The following SLIT3 variants were observed in gnomAD, a reference collection of about 807,000 sequenced individuals.
SLIT3 encodes the protein slit guidance ligand 3.
Under a neutral mutation model 184.0 loss-of-function variants are expected in SLIT3, and 68 were observed. The observed-to-expected ratio is 0.37, with a 90% CI of 0.30 to 0.45. The LOEUF is 0.45. SLIT3 is among the 20% of genes least tolerant of loss of function. The probability of loss-of-function intolerance (pLI) is 1.00; values close to 1 mark genes in which losing one functional copy is unlikely to be tolerated. For missense variants in SLIT3, 1,707 were observed against 2,026.0 expected, an observed-to-expected ratio of 0.84 and a Z score of 3.02; for synonymous variants, 831 against 828.6, an observed-to-expected ratio of 1.00 and a Z score of -0.05.
At position 169,249,769 on chromosome 5, in the gene SLIT3, C is replaced by T. The variant is rs114691027; in HGVS notation, c.269+1619G>A. ...CGATTCTGATCCACGCACACCTTGT[C>T]AGAACTACCAGTTACTTGACAGATA... is the stretch of plus-strand genomic sequence containing the variant. On this transcript the variant is annotated intron_variant, in intron 2 of 35. Coordinates refer to ENST00000519560, the MANE Select transcript of SLIT3 (RefSeq NM_003062.4). Among the ~76,000 whole-genome samples the T allele has an allele frequency of 5.7e-3, 874 of 152,374 alleles. 10 individuals are homozygous for T. The highest frequency in any genetic ancestry group is 0.02 in the African/African-American group (833 of 41,586).
chr5:169,032,022 T>G (rs1255813193), intron 4 of SLIT3, among the ~76,000 whole-genome samples: 1 of 152,190 alleles, frequency 6.6e-6, no homozygotes. Flanking sequence ...GTTCCAATCC[T>G]GCACCTCCAT....
intron 4 of SLIT3, among the ~76,000 whole-genome samples, chr5:168,971,428 C>T (rs1358396734): frequency 1.3e-5 from 2 of 152,194 alleles, no homozygotes; most frequent in African/African-American, 4.8e-5. Context: ...GGAATCATTT[C>T]CTTCATTTCG....
chr5:168,762,548 A>G lies in SLIT3; in HGVS notation c.1601T>C (p.Val534Ala). Residue 534 changes from valine (V) to alanine (A), a missense_variant, in exon 15 of 36, where the codon GTC (valine) becomes GCC (alanine). Val to Ala is a moderately conservative substitution (Grantham distance 64). Transcript: ENST00000519560. ...CCGAGGTTGGACTTACAGGTCGGTGACATATTCAGGGAGGTGGCTTGGGAT... is the reference window on the plus strand; with the variant it reads ...CCGAGGTTGGACTTACAGGTCGGTGGCATATTCAGGGAGGTGGCTTGGGAT... ...VRIPSHLPEY[V>A]TDLRLNDNEV... 1 of 1,613,510 alleles carries G rather than the reference A, an allele frequency of 6.2e-7. No homozygotes were observed. Among genetic ancestry groups the G allele is most frequent in the Non-Finnish European group, 8.5e-7 (1 of 1,179,498 alleles).
intron 2 of SLIT3, among the ~76,000 whole-genome samples, chr5:169,250,986 T>A (rs769167289): frequency 6.6e-5 from 10 of 152,182 alleles, no homozygotes; most frequent in Non-Finnish European, 1.3e-4. Context: ...CCTCCCCTCC[T>A]CTCCATTAAG....
intron 4 of SLIT3, among the ~76,000 whole-genome samples, chr5:168,989,296 C>A (rs62378613): frequency 0.039 from 6,003 of 152,236 alleles, 157 homozygotes; most frequent in Non-Finnish European, 0.057. Flanking sequence ...GTTTCCAAAA[C>A]AAACTTGACA....
Position 168,844,674 on chromosome 5 carries a change from G to T in SLIT3, c.486-19C>A. The T allele has an allele frequency of 1.2e-6, 2 of 1,613,592 alleles. No homozygotes were observed. Among genetic ancestry groups the T allele is most frequent in the Non-Finnish European group, 1.7e-6 (2 of 1,179,590 alleles). On this transcript the variant is annotated intron_variant, in intron 5 of 35. Coordinates refer to ENST00000519560, the MANE Select transcript of SLIT3 (RefSeq NM_003062.4). Reference sequence around the variant, plus strand: ...CAGTTGCCTGTGGAAAAGCAGGGGAGAGCATGAAGGCTGAGCGGGGGCAGC... The same window carrying T: ...CAGTTGCCTGTGGAAAAGCAGGGGATAGCATGAAGGCTGAGCGGGGGCAGC...
At chr5:168,750,785 T>C (rs548873619) in intron 18 of SLIT3, among the ~76,000 whole-genome samples, 1 of 152,122 alleles carries the variant, frequency 6.6e-6, no homozygotes, top group East Asian at 1.9e-4. Context: ...GCCGGGCATC[T>C]GCTTGTGCTC....
chr5:168,899,712 C>T (rs1760801307), intron 4 of SLIT3, among the ~76,000 whole-genome samples: 1 of 152,074 alleles, frequency 6.6e-6, no homozygotes, highest in South Asian at 2.1e-4. Flanking sequence ...TCTTTGGGGC[C>T]TTCATGCAAT....
In SLIT3 at chr5:169,300,873, G is replaced by C; in HGVS notation, c.-164C>G. 7.5e-6 allele frequency: 4 copies of C among 535,080 alleles called. No individual in the cohort carries two copies. The highest frequency in any genetic ancestry group is 1.1e-5 in the Non-Finnish European group (4 of 373,284). 33.1% of individuals were successfully genotyped at this position (535,080 alleles called of 1,614,324 possible). On this transcript the variant is annotated 5_prime_UTR_variant, in exon 1 of 36. Coordinates refer to ENST00000519560, the MANE Select transcript of SLIT3 (RefSeq NM_003062.4). The surrounding 1 kb of genome is among the most constrained non-coding windows in gnomAD (Gnocchi z 4.1). ...CAGGCGCACGGGGCGCGGGCGGAGC[G>C]GGGCGCTCCGGGCGGCGGCGGCGGC...
At chr5:169,232,176 G>A (rs145119877) in intron 3 of SLIT3, among the ~76,000 whole-genome samples, 31 of 152,190 alleles carry the variant, frequency 2.0e-4, no homozygotes, top group African/African-American at 5.3e-4. Flanking sequence ...TCTCTTTAGC[G>A]TCTTCTGTGC....
chr5:169,146,824 C>T (rs1761942592), intron 4 of SLIT3, among the ~76,000 whole-genome samples: 1 of 152,170 alleles, frequency 6.6e-6, no homozygotes, highest in African/African-American at 2.4e-5. Context: ...ATGCAGGGTA[C>T]CAACCCATTA....
At chr5:168,858,635 C>T (rs934968302) in intron 5 of SLIT3, among the ~76,000 whole-genome samples, 1 of 152,266 alleles carries the variant, frequency 6.6e-6, no homozygotes, top group Non-Finnish European at 1.5e-5. Context: ...GCTCCCTCAG[C>T]TGCTCCTGGC....
intron 1 of SLIT3, among the ~76,000 whole-genome samples, chr5:169,285,182 G>C (rs1767113432): frequency 6.6e-6 from 1 of 152,176 alleles, no homozygotes; most frequent in Middle Eastern, 3.2e-3. Flanking sequence ...CTCCCAAAGT[G>C]CTGGGATTAC....
At chr5:168,987,623 T>C (rs1425517727) in intron 4 of SLIT3, among the ~76,000 whole-genome samples, 1 of 152,230 alleles carries the variant, frequency 6.6e-6, no homozygotes, top group Non-Finnish European at 1.5e-5. Context: ...CTTGGTAACA[T>C]AATGATAGTC....
intron 1 of SLIT3, among the ~76,000 whole-genome samples, chr5:169,285,518 C>T (rs1280598543): frequency 6.6e-6 from 1 of 152,152 alleles, no homozygotes; most frequent in Non-Finnish European, 1.5e-5. Context: ...TGACCCCTAC[C>T]CTTGCATGTG....
intron 12 of SLIT3, among the ~76,000 whole-genome samples, chr5:168,784,671 T>C (rs914580663): frequency 1.3e-5 from 2 of 151,758 alleles, no homozygotes; most frequent in African/African-American, 4.8e-5. Flanking sequence ...TCTTGAAGAG[T>C]TCCTGGGCAT....
At chr5:169,257,057 A>G (rs1765983560) in intron 1 of SLIT3, among the ~76,000 whole-genome samples, 1 of 152,240 alleles carries the variant, frequency 6.6e-6, no homozygotes, top group East Asian at 1.9e-4. Context: ...ACAATGCTCT[A>G]TGAATGATAA....
chr5:169,283,129 C>A (rs1767042812), intron 1 of SLIT3, among the ~76,000 whole-genome samples: 1 of 152,202 alleles, frequency 6.6e-6, no homozygotes, highest in African/African-American at 2.4e-5. Flanking sequence ...TGATTCAAAC[C>A]TGGTCTGCCT....
rs766410120 is a variant in SLIT3, at chr5:168,696,320, G to A, written c.3054C>T (p.Tyr1018=). ...NATCVDGINN[Y]VCICPPNYTG... ...TGTAGTTAGGCGGACAGATACACAC[G>A]TAGTTGTTGATCCCGTCCACGCAGG... Residue 1018 remains tyrosine (Y), a synonymous_variant, in exon 28 of 36, where the codon TAC becomes TAT. Transcript: ENST00000519560. 2.0e-5 allele frequency: 33 copies of A among 1,614,058 alleles called. No homozygotes were observed. Among genetic ancestry groups the A allele is most frequent in the Non-Finnish European group, 6.8e-6 (8 of 1,180,022 alleles).
Sources: allele counts gnomAD v4.1 joint callset (sites outside exome capture counted in the v4.1 genomes callset), GRCh38; gene constraint gnomAD v4.1.1; non-coding constraint Gnocchi (gnomAD v3.1); transcripts MANE v1.5; gene names NCBI Gene and HGNC (gene_info 2026-07-23, HGNC 2026-07-21).